The following TET1 variants were observed in gnomAD, a reference collection of about 807,000 sequenced individuals.
The protein encoded by TET1 is tet methylcytosine dioxygenase 1.
A neutral mutation model predicts 148.7 loss-of-function variants in TET1; 13 were observed. The observed-to-expected ratio is 0.09, with a 90% CI of 0.06 to 0.14. The LOEUF (loss-of-function observed/expected upper bound fraction) is 0.14, where lower values mean the gene tolerates loss of function less well. TET1 is among the 10% of genes least tolerant of loss of function. The pLI is 1.00. For missense variants in TET1, 2,182 were observed against 2,553.8 expected, an observed-to-expected ratio of 0.85 and a Z score of 3.14; for synonymous variants, 907 against 937.2, an observed-to-expected ratio of 0.97 and a Z score of 0.59.
chr10:68,663,046 T>C (rs1323413419), intron 6 of TET1, among the ~76,000 whole-genome samples: 1 of 152,228 alleles, frequency 6.6e-6, no homozygotes, highest in African/African-American at 2.4e-5. Flanking sequence ...ACCTGTTGGG[T>C]ACAATGTTCA....
intron 11 of TET1, among the ~76,000 whole-genome samples, chr10:68,688,270 G>T (rs961930117): frequency 6.9e-6 from 1 of 145,870 alleles, no homozygotes; most frequent in Admixed American, 6.9e-5. Flanking sequence ...GTTAATTTTT[G>T]TATTTTTAGT....
chr10:68,674,628 TTACCTGTGACA>T (rs2055324958), intron 8 of TET1: 1 of 477,368 alleles, frequency 2.1e-6, no homozygotes, highest in Non-Finnish European at 4.0e-6. Flanking sequence ...GGCGTGGATC[TTACCTGTGACA>T]AAATATGTTT....
chr10:68,689,896 A>G (rs566239597), intron 11 of TET1, among the ~76,000 whole-genome samples: 1 of 152,294 alleles, frequency 6.6e-6, no homozygotes, highest in African/African-American at 2.4e-5. Context: ...TCTTGAGAGT[A>G]ATGATCTCCT....
At chr10:68,652,053 A>T in intron 5 of TET1, 117 bp downstream of exon 5, 3 of 960,526 alleles carry the variant, frequency 3.1e-6, no homozygotes, top group Non-Finnish European at 4.7e-6. Context: ...TATGAGTTGG[A>T]TGTTTCTTAG....
chr10:68,637,585 G>C (rs775425136), intron 3 of TET1, among the ~76,000 whole-genome samples: 1 of 144,494 alleles, frequency 6.9e-6, no homozygotes, highest in Non-Finnish European at 1.5e-5. Context: ...GAGTGCTGTG[G>C]TGCCATCTTG....
rs766203888 is a variant in TET1, at chr10:68,645,836, A to C, written c.3107A>C (p.His1036Pro). ...CTTGACAATTGTTCCAATGATTTGCATCAGTTGCCACCAAGAAATAATGAA... is the reference window on the plus strand; with the variant it reads ...CTTGACAATTGTTCCAATGATTTGCCTCAGTTGCCACCAAGAAATAATGAA... ...ITLDNCSNDL[H>P]QLPPRNNEVE... is the part of the protein sequence containing the mutation. The change falls in exon 4 of 12, where the codon CAT becomes CCT. Residue 1036 changes from histidine (H) to proline (P), a missense_variant. Around this residue, in one of 11 missense-constraint regions of TET1, gnomAD observed 582 missense variants for 599.5 expected, o/e 0.97. Coordinates refer to ENST00000373644, the MANE Select transcript of TET1 (RefSeq NM_030625.3). 1 of 1,614,064 alleles carries C rather than the reference A, an allele frequency of 6.2e-7. No homozygotes were observed. Among genetic ancestry groups the C allele is most frequent in the Admixed American group, 1.7e-5 (1 of 59,996 alleles).
At chr10:68,619,243 T>G (rs1032709817) in intron 3 of TET1, among the ~76,000 whole-genome samples, 2 of 152,118 alleles carry the variant, frequency 1.3e-5, no homozygotes, top group Admixed American at 6.6e-5. Context: ...GTTATTCTCT[T>G]TTTTTGAGCC....
chr10:68,633,327 T>G (rs1404022483), intron 3 of TET1, among the ~76,000 whole-genome samples: 1 of 152,046 alleles, frequency 6.6e-6, no homozygotes, highest in Non-Finnish European at 1.5e-5. Flanking sequence ...TATGGTCTTT[T>G]AATTTGTTTT....
At chr10:68,662,526 T>TA (rs1382502873) in intron 6 of TET1, among the ~76,000 whole-genome samples, 78 of 152,174 alleles carry the variant, frequency 5.1e-4, no homozygotes, top group African/African-American at 1.7e-3. Flanking sequence ...AGCCTTTTTT[T>TA]AGGTTATCTT....
chr10:68,679,569 A>G (rs531719104), intron 8 of TET1, among the ~76,000 whole-genome samples: 1 of 152,308 alleles, frequency 6.6e-6, no homozygotes, highest in African/African-American at 2.4e-5. Flanking sequence ...TATAAATAGA[A>G]TTGTTTTAAT....
At chr10:68,640,807 T>C (rs998012050) in intron 3 of TET1, among the ~76,000 whole-genome samples, 1 of 151,658 alleles carries the variant, frequency 6.6e-6, no homozygotes, top group Non-Finnish European at 1.5e-5. Flanking sequence ...CGCCTTGGCC[T>C]CCCAAAGTGC....
chr10:68,672,487 C>CAAAAAAAA lies in TET1; in HGVS notation c.4674-391_4674-384dup, dbSNP rs71483920. ...TTGGTGACAGGGCTAGACCCCATCT[C>CAAAAAAAA]AAAAAAAAAAAAAAAAAAAAAAAAC... is the stretch of plus-strand genomic sequence containing the variant. On this transcript the variant is annotated intron_variant, in intron 7 of 11. Transcript: ENST00000373644. Among the ~76,000 whole-genome samples the CAAAAAAAA allele has an allele frequency of 8.4e-3, 415 of 49,558 alleles. 29 individuals are homozygous for CAAAAAAAA. The highest frequency in any genetic ancestry group is 0.011 in the Non-Finnish European group (352 of 31,250). 32.5% of individuals were successfully genotyped at this position (49,558 alleles called of 152,430 possible). A position where few individuals can be genotyped will look rare whatever the true frequency, so the allele number is the denominator to read the frequency against.
At chr10:68,636,340 C>T (rs1011134928) in intron 3 of TET1, among the ~76,000 whole-genome samples, 1 of 152,176 alleles carries the variant, frequency 6.6e-6, no homozygotes, top group African/African-American at 2.4e-5. Flanking sequence ...TGCTCAACTT[C>T]CCCTCTGCCC....
rs1216672989 is a variant in TET1, at chr10:68,565,932, G to C, written c.-123+5190G>C. On this transcript the variant is annotated intron_variant, in intron 1 of 11. Transcript: ENST00000373644. ...GCCTCTTTCATGATCTCATAAAAAG[G>C]CTGTTACCATTTAAAGAGGCCACAT... 1.9e-4 allele frequency among the ~76,000 whole-genome samples: 29 copies of C among 152,096 alleles called. 1 individual carries two copies. The highest frequency in any genetic ancestry group is 1.9e-3 in the Admixed American group (29 of 15,264).
chr10:68,645,992 T>G lies in TET1; in HGVS notation c.3263T>G (p.Ile1088Ser), dbSNP rs2054838781. The G allele has an allele frequency of 6.2e-7, 1 of 1,613,848 alleles. No individual in the cohort carries two copies. Among genetic ancestry groups the G allele is most frequent in the African/African-American group, 1.3e-5 (1 of 74,878 alleles). The change falls in exon 4 of 12, where the codon ATT becomes AGT. Residue 1088 changes from isoleucine to serine, a missense_variant. Transcript: ENST00000373644. Reference protein sequence around the residue: ...ATQLTQLASIIKINYIKPEDK... With the variant: ...ATQLTQLASISKINYIKPEDK... ...CAGTTGACACAACTTGCTTCGATAA[T>G]TAAGATCAATTATATAAAACCAGAG...
chr10:68,633,544 G>T (rs892812704), intron 3 of TET1, among the ~76,000 whole-genome samples: 4 of 151,904 alleles, frequency 2.6e-5, no homozygotes, highest in Admixed American at 1.3e-4. Context: ...ACCATGCCTG[G>T]CTAATTTTTG....
chr10:68,669,474 C>CTTTTTTTTTTT (rs3085667), intron 7 of TET1, among the ~76,000 whole-genome samples: 7 of 61,614 alleles, frequency 1.1e-4, no homozygotes, highest in Admixed American at 4.1e-4. Flanking sequence ...CCATGCCCAG[C>CTTTTTTTTTTT]TTTTTTTTTT....
intron 7 of TET1, among the ~76,000 whole-genome samples, chr10:68,671,145 C>G (rs966313982): frequency 1.3e-5 from 2 of 152,118 alleles, no homozygotes; most frequent in Non-Finnish European, 2.9e-5. Context: ...ATTTCACCAG[C>G]CAGCTACTAA....
In TET1 at chr10:68,644,996, T is replaced by C. The variant is rs1282707536; in HGVS notation, c.2267T>C (p.Val756Ala). 6.2e-7 allele frequency: 1 copy of C among 1,613,726 alleles called. No individual in the cohort carries two copies. Among genetic ancestry groups the C allele is most frequent in the East Asian group, 2.2e-5 (1 of 44,862 alleles). The change falls in exon 4 of 12, where the codon GTA becomes GCA. Residue 756 changes from valine to alanine, a missense_variant. Physicochemically the swap from Val to Ala is moderately conservative, Grantham distance 64. Coordinates refer to ENST00000373644, the MANE Select transcript of TET1 (RefSeq NM_030625.3). ...TCTCCAAAATTGTTTGTACAAACCG[T>C]AAGAAATGGCATTAAACATGTACAC... ...TKSPKLFVQT[V>A]RNGIKHVHCL...
Sources: gnomAD v4.1 joint callset for allele counts (sites outside exome capture counted in the v4.1 genomes callset) on GRCh38, gnomAD v4.1.1 for gene constraint, gnomAD v4.1.1 regional missense constraint, MANE v1.5 for transcripts, NCBI Gene and HGNC (gene_info 2026-07-23, HGNC 2026-07-21) for gene names.